PTK7: variants seen among roughly 807,000 people sequenced by gnomAD.
PTK7 encodes the protein protein tyrosine kinase 7 (inactive).
PTK7 carries 39 observed loss-of-function variants against 116.6 expected under a neutral mutation model. The ratio of observed to expected loss-of-function variants is 0.33; its 90% CI spans 0.26 to 0.44. The LOEUF (loss-of-function observed/expected upper bound fraction) is 0.44. Ranked by LOEUF, PTK7 falls within the 20% of genes least tolerant of loss-of-function variation. PTK7 has a pLI of 1.00. For synonymous variants in PTK7, 546 were observed against 563.6 expected (o/e 0.97, Z 0.44); for missense variants, 1,169 against 1,425.6 (o/e 0.82, Z 2.90).
At chr6:43,108,295 A>G (rs1019929190) in intron 1 of PTK7, among the ~76,000 whole-genome samples, 1 of 150,042 alleles carries the variant, frequency 6.7e-6, no homozygotes, top group Non-Finnish European at 1.5e-5. Flanking sequence ...GGGTTTCCCC[A>G]TGCTGTCCAG....
rs1767609769 is a variant in PTK7 at position 43,102,008 on chromosome 6, C to CA, written c.79+25443dup. On this transcript the variant is annotated intron_variant, in intron 1 of 19. Coordinates refer to ENST00000230419, the MANE Select transcript of PTK7 (RefSeq NM_002821.5). ...GTCAGGAGTTTGAGACCAGCCTGGC[C>CA]AACATGGTGAGACCCCGTTTCTACT... Among the ~76,000 whole-genome samples, 3 of 151,956 alleles carry CA rather than the reference C, an allele frequency of 2.0e-5. No individual in the cohort carries two copies. In the South Asian group the frequency reaches 6.2e-4, roughly 32 times the overall value.
chr6:43,088,872 G>C (rs536366273), intron 1 of PTK7, among the ~76,000 whole-genome samples: 1 of 152,200 alleles, frequency 6.6e-6, no homozygotes, highest in African/African-American at 2.4e-5. Flanking sequence ...GCAGTTGCAG[G>C]CCCTGGCTTG....
chr6:43,138,259 C>T (rs1247124654), intron 7 of PTK7, among the ~76,000 whole-genome samples: 1 of 152,114 alleles, frequency 6.6e-6, no homozygotes, highest in African/African-American at 2.4e-5. Flanking sequence ...AGCCCTCCCG[C>T]CTCGGCCTCC....
At chr6:43,153,391 G>T (rs781179372) in intron 17 of PTK7, among the ~76,000 whole-genome samples, 2 of 151,240 alleles carry the variant, frequency 1.3e-5, no homozygotes, top group Non-Finnish European at 2.9e-5. Flanking sequence ...GGGATTACAG[G>T]CATGAGCCAC....
At position 43,129,336 on chromosome 6, in the gene PTK7, C is replaced by T. The variant is rs1769513330; in HGVS notation, c.367+72C>T. 1.3e-6 allele frequency: 2 copies of T among 1,531,520 alleles called. No individual in the cohort carries two copies. The highest frequency in any genetic ancestry group is 2.4e-5 in the South Asian group (2 of 84,636). The allele number at this position is 1,531,520 out of a possible 1,614,324, so 94.9% of individuals were successfully genotyped here. A position where few individuals can be genotyped will look rare whatever the true frequency, so the allele number is the denominator to read the frequency against. On this transcript the variant is annotated intron_variant, in intron 2 of 19. Transcript: ENST00000230419. This position sits in a 1 kb window ranked among gnomAD's most constrained non-coding sequence, Gnocchi z 4.5. ...TGACTGAGGCCTGGGGGATCCCTCC[C>T]TTACCTCAGCTTCTCCCATTTCCAG... is the stretch of plus-strand genomic sequence containing the variant.
chr6:43,159,599 C>T (rs1048207054), intron 18 of PTK7, 189 bp from the exon 19 acceptor site: 10 of 608,620 alleles, frequency 1.6e-5, no homozygotes, highest in South Asian at 7.9e-5. Context: ...TCAAACCTCT[C>T]GTGTGGTTAC....
chr6:43,090,716 G>A (rs1391644803), intron 1 of PTK7, among the ~76,000 whole-genome samples: 1 of 152,154 alleles, frequency 6.6e-6, no homozygotes, highest in African/African-American at 2.4e-5. Flanking sequence ...TCAGGGCCTT[G>A]TCCCTCCCGC....
chr6:43,155,504 C>T (rs1159741751), intron 17 of PTK7, among the ~76,000 whole-genome samples: 4 of 151,760 alleles, frequency 2.6e-5, no homozygotes, highest in African/African-American at 7.3e-5. Context: ...GTTAGCTGGG[C>T]GTGGTGGTAT....
At chr6:43,093,393 C>T (rs1226957704) in intron 1 of PTK7, among the ~76,000 whole-genome samples, 1 of 151,910 alleles carries the variant, frequency 6.6e-6, no homozygotes, top group Non-Finnish European at 1.5e-5. Context: ...AGCTGGGGGA[C>T]ACTGGAGGTT....
At position 43,129,334 on chromosome 6, in the gene PTK7, C is replaced by G; in HGVS notation, c.367+70C>G. 3.2e-6 allele frequency: 5 copies of G among 1,551,476 alleles called. No individual in the cohort carries two copies. Among genetic ancestry groups the G allele is most frequent in the Non-Finnish European group, 4.4e-6 (5 of 1,136,488 alleles). ...AATGACTGAGGCCTGGGGGATCCCT[C>G]CCTTACCTCAGCTTCTCCCATTTCC... On this transcript the variant is annotated intron_variant, in intron 2 of 19. Coordinates refer to ENST00000230419, the MANE Select transcript of PTK7 (RefSeq NM_002821.5). This position sits in a 1 kb window ranked among gnomAD's most constrained non-coding sequence, Gnocchi z 4.5.
Position 43,130,365 on chromosome 6 carries a change from C to T in PTK7, c.606C>T (p.Ala202=). 3 of 1,611,602 alleles carry T rather than the reference C, an allele frequency of 1.9e-6. No individual in the cohort carries two copies. Among genetic ancestry groups the T allele is most frequent in the Non-Finnish European group, 2.5e-6 (3 of 1,178,512 alleles). The change falls in exon 4 of 20, where the codon GCC becomes GCT. Residue 202 remains alanine, a synonymous_variant. Transcript: ENST00000230419. Reference sequence around the variant, plus strand: ...ATAGTGGGCTGTATTCCTGCTGCGCCCACAGTGCTTTTGGCCAGGCTTGCA... The same window carrying T: ...ATAGTGGGCTGTATTCCTGCTGCGCTCACAGTGCTTTTGGCCAGGCTTGCA... The part of the protein sequence containing the change: ...PEHSGLYSCC[A]HSAFGQACSS...
At chr6:43,155,309 C>T (rs566197059) in intron 17 of PTK7, among the ~76,000 whole-genome samples, 1 of 152,184 alleles carries the variant, frequency 6.6e-6, no homozygotes, top group South Asian at 2.1e-4. Flanking sequence ...AGGTGCCTGG[C>T]TTCAATTTAT....
chr6:43,106,712 G>A (rs965505467), intron 1 of PTK7, among the ~76,000 whole-genome samples: 6 of 146,270 alleles, frequency 4.1e-5, no homozygotes, highest in African/African-American at 1.5e-4. Context: ...GGAGTGCAGT[G>A]GTGTGATCTC....
intron 1 of PTK7, among the ~76,000 whole-genome samples, chr6:43,128,741 C>T (rs1582152947): frequency 6.6e-6 from 1 of 152,192 alleles, no homozygotes; most frequent in African/African-American, 2.4e-5. Flanking sequence ...GCTGAGATCA[C>T]ACCACCACAT....
chr6:43,106,504 C>G (rs1767895034), intron 1 of PTK7, among the ~76,000 whole-genome samples: 1 of 151,828 alleles, frequency 6.6e-6, no homozygotes, highest in Non-Finnish European at 1.5e-5. Flanking sequence ...CCAGGCTGGT[C>G]TCGAACTCCT....
At chr6:43,086,296 T>G (rs546540793) in intron 1 of PTK7, among the ~76,000 whole-genome samples, 5 of 152,282 alleles carry the variant, frequency 3.3e-5, no homozygotes, top group African/African-American at 1.2e-4. Flanking sequence ...CTTCTGTCTG[T>G]GCTGTGGGGA....
At chr6:43,156,330 A>G (rs1313539263) in intron 17 of PTK7, among the ~76,000 whole-genome samples, 4 of 151,156 alleles carry the variant, frequency 2.6e-5, no homozygotes, top group Non-Finnish European at 4.4e-5. Flanking sequence ...TGGCTGGCCC[A>G]GTGGCTCACA....
In PTK7 at chr6:43,113,559, G is replaced by A. The variant is rs186682348; in HGVS notation, c.80-15418G>A. 7.0e-4 allele frequency among the ~76,000 whole-genome samples: 106 copies of A among 152,340 alleles called. 1 individual carries two copies. Among genetic ancestry groups the A allele is most frequent in the Admixed American group, 2.6e-3 (40 of 15,300 alleles). On this transcript the variant is annotated intron_variant, in intron 1 of 19. Coordinates refer to ENST00000230419, the MANE Select transcript of PTK7 (RefSeq NM_002821.5). ...CTAGGCTCTTGGGAGCTGGGGGTAT[G>A]TGCCTGCCTTTGGGATCTCACAGTC...
At chr6:43,160,094 C>G (rs1771759482) in intron 19 of PTK7, 128 bp downstream of exon 19, 1 of 972,898 alleles carries the variant, frequency 1.0e-6, no homozygotes, top group Non-Finnish European at 1.5e-6. Context: ...GATACAACCA[C>G]TCTGGTTGTT....
Sources: gnomAD v4.1 joint callset for allele counts (sites outside exome capture counted in the v4.1 genomes callset) on GRCh38, gnomAD v4.1.1 for gene constraint, Gnocchi (gnomAD v3.1) non-coding constraint, MANE v1.5 for transcripts, NCBI Gene and HGNC (gene_info 2026-07-23, HGNC 2026-07-21) for gene names.